The following FAM78B variants were observed in gnomAD, a reference collection of about 807,000 sequenced individuals.
The protein encoded by FAM78B is family with sequence similarity 78 member B.
Under a neutral mutation model 20.0 loss-of-function variants are expected in FAM78B, and 10 were observed. That is an observed-to-expected ratio of 0.50 (90% CI 0.31 to 0.85). The LOEUF (loss-of-function observed/expected upper bound fraction) is 0.85, where lower values mean the gene tolerates loss of function less well. Among genes scored for constraint, FAM78B ranks in the 40% least tolerant of loss-of-function variants. The probability of loss-of-function intolerance (pLI) is 0.05; values close to 1 mark genes in which losing one functional copy is unlikely to be tolerated. For synonymous variants in FAM78B, 135 were observed against 132.8 expected, an observed-to-expected ratio of 1.02 and a Z score of -0.12; for missense variants, 283 against 345.0, an observed-to-expected ratio of 0.82 and a Z score of 1.42.
exon 3 of FAM78B, chr1:166,060,470 T>C (rs1002721583): frequency 1.0e-5 from 6 of 578,344 alleles, no homozygotes; most frequent in Non-Finnish European, 1.7e-5. Context: ...ACATGGCTCG[T>C]GGAGGGTGGG....
chr1:166,127,145 C>T (rs1354854004), intron 1 of FAM78B, among the ~76,000 whole-genome samples: 1 of 152,192 alleles, frequency 6.6e-6, no homozygotes, highest in Non-Finnish European at 1.5e-5. Context: ...AAAATCACTC[C>T]TGCTTTACAG....
chr1:166,136,729 T>G (rs550782242), intron 1 of FAM78B, among the ~76,000 whole-genome samples: 123 of 152,334 alleles, frequency 8.1e-4, no homozygotes, highest in African/African-American at 2.9e-3. Flanking sequence ...CAGGCTACCT[T>G]GCCCCTAACT....
In FAM78B at chr1:166,165,751, G is replaced by C. The variant is rs1571220386; in HGVS notation, c.263+235C>G. Among the ~76,000 whole-genome samples, 3 of 152,028 alleles carry C rather than the reference G, an allele frequency of 2.0e-5. No individual in the cohort carries two copies. In the South Asian group the frequency reaches 6.2e-4, roughly 32 times the overall value. On this transcript the variant is annotated intron_variant, in intron 1 of 1. Coordinates refer to ENST00000354422, the MANE Select transcript of FAM78B (RefSeq NM_001017961.5). ...TCCCGCCCCGCACCTTTCTCCTCGC[G>C]TTTCTGGGAAGTCAGAAGCAAACCA... is the stretch of plus-strand genomic sequence containing the variant.
Position 166,109,870 on chromosome 1 carries a change from A to ATATATATATGTG in FAM78B, c.264-39108_264-39107insCACATATATATA, listed in dbSNP as rs1553219431. ...TATATATATATATATATGTATGTGT[A>ATATATATATGTG]TATATATATATGTATATATGTATAT... On this transcript the variant is annotated intron_variant, in intron 1 of 1. Coordinates refer to ENST00000354422, the MANE Select transcript of FAM78B (RefSeq NM_001017961.5). 1.4e-3 allele frequency among the ~76,000 whole-genome samples: 16 copies of ATATATATATGTG among 11,464 alleles called. 1 individual carries two copies. The highest frequency in any genetic ancestry group is 2.2e-3 in the Non-Finnish European group (11 of 5,028). The allele number at this position is 11,464 out of a possible 152,430, so 7.5% of individuals were successfully genotyped here.
intron 1 of FAM78B, among the ~76,000 whole-genome samples, chr1:166,099,588 T>C (rs1174060378): frequency 6.6e-6 from 1 of 152,202 alleles, no homozygotes; most frequent in African/African-American, 2.4e-5. Flanking sequence ...AGCCATTTCA[T>C]GCAAATGGGG....
chr1:166,142,100 T>C (rs1209100140), intron 1 of FAM78B, among the ~76,000 whole-genome samples: 1 of 152,144 alleles, frequency 6.6e-6, no homozygotes, highest in Non-Finnish European at 1.5e-5. Flanking sequence ...CCAGCCCTGC[T>C]CTGACTTGGG....
At chr1:166,079,934 C>T (rs373093763) in intron 1 of FAM78B, among the ~76,000 whole-genome samples, 34 of 152,274 alleles carry the variant, frequency 2.2e-4, no homozygotes, top group Admixed American at 6.5e-4. Context: ...CCTTTTGTTA[C>T]GTGTGGTTTC....
chr1:166,058,285 C>T (rs1313478550), exon 3 of FAM78B: 1 of 152,206 alleles, frequency 6.6e-6, no homozygotes, highest in African/African-American at 2.4e-5. Context: ...ACTGAACTGT[C>T]ACCTATCAGA....
intron 1 of FAM78B, among the ~76,000 whole-genome samples, chr1:166,149,640 GC>G (rs1655601505): frequency 6.6e-6 from 1 of 152,198 alleles, no homozygotes; most frequent in African/African-American, 2.4e-5. Context: ...TGAGTGTGAG[GC>G]TCAATAGGAG....
At chr1:166,120,734 T>C (rs1654435392) in intron 1 of FAM78B, among the ~76,000 whole-genome samples, 1 of 148,354 alleles carries the variant, frequency 6.7e-6, no homozygotes, top group Admixed American at 6.7e-5. Flanking sequence ...CAGGAGGAGC[T>C]AAGGGCTGTC....
chr1:166,070,904 T>C, intron 1 of FAM78B, 141 bp from the exon 2 acceptor site: 1 of 790,532 alleles, frequency 1.3e-6, no homozygotes, highest in South Asian at 2.5e-5. Context: ...CAAAAAGTTC[T>C]ATGCTGTGCT....
At chr1:166,122,430 A>G (rs1654497806) in intron 1 of FAM78B, among the ~76,000 whole-genome samples, 1 of 152,224 alleles carries the variant, frequency 6.6e-6, no homozygotes, top group South Asian at 2.1e-4. Flanking sequence ...TTGGGTAACT[A>G]ATCAAATGCC....
chr1:166,060,723 T>A (rs1651560258), intron 2 of FAM78B: 1 of 1,054,242 alleles, frequency 9.5e-7, no homozygotes, highest in African/African-American at 1.6e-5. Context: ...ATCAAAGAAA[T>A]GTCATTCCCT....
chr1:166,076,375 T>TA (rs894956592), intron 1 of FAM78B, among the ~76,000 whole-genome samples: 13 of 152,166 alleles, frequency 8.5e-5, no homozygotes, highest in African/African-American at 2.9e-4. Context: ...CCTTTGCACT[T>TA]ACCGTTCATT....
rs1391346078 is a variant in FAM78B, at chr1:166,109,902, A to ATG, written c.264-39140_264-39139insCA. On this transcript the variant is annotated intron_variant, in intron 1 of 1. Coordinates refer to ENST00000354422, the MANE Select transcript of FAM78B (RefSeq NM_001017961.5). ...TATATGTATATATGTATATATATATATATATATATATATATATAATGGAAT... is the reference window on the plus strand; with the variant it reads ...TATATGTATATATGTATATATATATATGTATATATATATATATATAATGGAAT... Among the ~76,000 whole-genome samples, 146 of 93,546 alleles carry ATG rather than the reference A, an allele frequency of 1.6e-3. 6 individuals are homozygous for ATG. The highest frequency in any genetic ancestry group is 4.6e-3 in the African/African-American group (138 of 29,976). The allele number at this position is 93,546 out of a possible 152,430, so 61.4% of individuals were successfully genotyped here. A position where few individuals can be genotyped will look rare whatever the true frequency, so the allele number is the denominator to read the frequency against.
chr1:166,117,602 G>C (rs890508017), intron 1 of FAM78B, among the ~76,000 whole-genome samples: 3 of 152,268 alleles, frequency 2.0e-5, no homozygotes, highest in African/African-American at 7.2e-5. Flanking sequence ...GTTAGCATAG[G>C]TTTCCATCAA....
rs556827465 is a variant in FAM78B at position 166,157,210 on chromosome 1, CAGG to C, written c.263+8773_263+8775del. On this transcript the variant is annotated intron_variant, in intron 1 of 1. Coordinates refer to ENST00000354422, the MANE Select transcript of FAM78B (RefSeq NM_001017961.5). ...TCCAGAGTCTGAATGCTTCTCTGTC[CAGG>C]GAAGTTGCAGGGCCACAGCCACAAC... Among the ~76,000 whole-genome samples the C allele has an allele frequency of 1.2e-3, 185 of 152,064 alleles. 1 individual carries two copies. Among genetic ancestry groups the C allele is most frequent in the Non-Finnish European group, 2.0e-3 (138 of 67,998 alleles).
At chr1:166,059,806 G>A (rs1191050502) in exon 3 of FAM78B, 1 of 152,126 alleles carries the variant, frequency 6.6e-6, no homozygotes, top group Non-Finnish European at 1.5e-5. Flanking sequence ...TGGGCGTAAG[G>A]AGAAAAATTT....
intron 1 of FAM78B, among the ~76,000 whole-genome samples, chr1:166,086,738 G>A (rs1281367940): frequency 6.6e-6 from 1 of 152,164 alleles, no homozygotes; most frequent in Non-Finnish European, 1.5e-5. Flanking sequence ...GTGTACCCTG[G>A]TGACAGGACC....
Sources: gnomAD v4.1 joint callset for allele counts (sites outside exome capture counted in the v4.1 genomes callset) on GRCh38, gnomAD v4.1.1 for gene constraint, MANE v1.5 for transcripts, NCBI Gene and HGNC (gene_info 2026-07-23, HGNC 2026-07-21) for gene names.